Variants in KANK1 observed in about 807,000 individuals in gnomAD.
The protein encoded by KANK1 is KN motif and ankyrin repeat domains 1.
A neutral mutation model predicts 106.2 loss-of-function variants in KANK1; 109 were observed. The observed-to-expected ratio is 1.03, with a 90% confidence interval of 0.88 to 1.20. The LOEUF (loss-of-function observed/expected upper bound fraction) is 1.20. Ranked by LOEUF, KANK1 falls within the 50% of genes most tolerant of loss-of-function variation. The pLI, the probability that KANK1 is intolerant of heterozygous loss-of-function variation, is 0.00. For synonymous variants in KANK1, 873 were observed against 652.2 expected, an observed-to-expected ratio of 1.34 and a Z score of -5.16; for missense variants, 2,399 against 1,710.7, an observed-to-expected ratio of 1.40 and a Z score of -7.10.
At chr9:681,785 C>T (rs932897367) in intron 2 of KANK1, among the ~76,000 whole-genome samples, 4 of 152,094 alleles carry the variant, frequency 2.6e-5, no homozygotes, top group Non-Finnish European at 4.4e-5. Flanking sequence ...CCTCATTAAA[C>T]CCAGTTAAAT....
At chr9:668,903 AGGGTTTGC>A (rs1845279562) in intron 1 of KANK1, among the ~76,000 whole-genome samples, 1 of 152,008 alleles carries the variant, frequency 6.6e-6, no homozygotes, top group Non-Finnish European at 1.5e-5. Context: ...AGTTCACAAT[AGGGTTTGC>A]ACTCTTATGA....
upstream of KANK1, among the ~76,000 whole-genome samples, chr9:502,426 C>G (rs1029373291): frequency 7.9e-5 from 12 of 152,002 alleles, no homozygotes; most frequent in Non-Finnish European, 1.5e-4. Context: ...TTGATTGATT[C>G]GTTTTGCTTA....
intron 3 of KANK1, chr9:484,632 A>C (rs2058260200): frequency 6.6e-6 from 1 of 152,230 alleles, no homozygotes; most frequent in African/African-American, 2.4e-5. Context: ...AGGAGAGGCA[A>C]GATAAAAGAT....
chr9:720,681 G>T (rs1439683061), intron 3 of KANK1, among the ~76,000 whole-genome samples: 1 of 152,132 alleles, frequency 6.6e-6, no homozygotes, highest in Admixed American at 6.6e-5. Context: ...CTCAGAGACG[G>T]GGTTTCATTC....
intron 1 of KANK1, among the ~76,000 whole-genome samples, chr9:572,398 A>T (rs73373075): frequency 6.6e-6 from 1 of 151,898 alleles, no homozygotes. Context: ...AAAAATAGAA[A>T]AAAATTAGCT....
intron 2 of KANK1, among the ~76,000 whole-genome samples, chr9:677,972 T>A (rs768122880): frequency 9.2e-5 from 14 of 152,164 alleles, no homozygotes; most frequent in Non-Finnish European, 1.6e-4. Context: ...GAAACATACT[T>A]AGAGGAGCTA....
chr9:651,485 A>C (rs1385906487), intron 1 of KANK1, among the ~76,000 whole-genome samples: 1 of 152,188 alleles, frequency 6.6e-6, no homozygotes, highest in Non-Finnish European at 1.5e-5. Context: ...AAGCATCTGC[A>C]TGTGTTGGGT....
chr9:608,955 G>A (rs2804310), intron 1 of KANK1, among the ~76,000 whole-genome samples: 102,615 of 151,996 alleles, frequency 0.68, 35,044 homozygotes, highest in South Asian at 0.75. Flanking sequence ...ACACATGGGC[G>A]TATACTCACG....
chr9:544,316 C>T (rs193137128), intron 1 of KANK1, among the ~76,000 whole-genome samples: 230 of 152,304 alleles, frequency 1.5e-3, no homozygotes, highest in Non-Finnish European at 2.2e-3. Flanking sequence ...AGCCACTGCA[C>T]CTGGCCCTGT....
At chr9:629,281 T>G (rs1383254181) in intron 1 of KANK1, among the ~76,000 whole-genome samples, 1 of 152,076 alleles carries the variant, frequency 6.6e-6, no homozygotes, top group African/African-American at 2.4e-5. Context: ...TCCCCCTCCC[T>G]CAGGCTGAGG....
At chr9:482,617 A>G (rs985213957) in intron 3 of KANK1, among the ~76,000 whole-genome samples, 2 of 152,212 alleles carry the variant, frequency 1.3e-5, no homozygotes, top group African/African-American at 4.8e-5. Flanking sequence ...AAAACTGACT[A>G]CAATCACATG....
chr9:620,463 C>T (rs1316870981), intron 1 of KANK1, among the ~76,000 whole-genome samples: 2 of 151,738 alleles, frequency 1.3e-5, no homozygotes, highest in Non-Finnish European at 2.9e-5. Flanking sequence ...CAATGAATGG[C>T]GTGATTTCGG....
intron 2 of KANK1, among the ~76,000 whole-genome samples, chr9:679,181 A>C (rs367563564): frequency 4.6e-5 from 7 of 152,116 alleles, no homozygotes; most frequent in African/African-American, 1.7e-4. Context: ...GTTACTGCAG[A>C]CAGTTATCTG....
chr9:659,689 A>G (rs1391367360), intron 1 of KANK1, among the ~76,000 whole-genome samples: 1 of 151,866 alleles, frequency 6.6e-6, no homozygotes, highest in Non-Finnish European at 1.5e-5. Flanking sequence ...ATGTGGTGGG[A>G]GCAGGAGAAA....
chr9:736,268 T>G (rs1407787790), intron 7 of KANK1, among the ~76,000 whole-genome samples: 1 of 152,096 alleles, frequency 6.6e-6, no homozygotes, highest in Non-Finnish European at 1.5e-5. Flanking sequence ...CTCAAAAACT[T>G]AACACAATGT....
At chr9:603,511 G>C (rs892261538) in intron 1 of KANK1, among the ~76,000 whole-genome samples, 4 of 151,746 alleles carry the variant, frequency 2.6e-5, no homozygotes, top group Admixed American at 6.6e-5. Context: ...TATGCAGAGA[G>C]ACATCACATT....
At chr9:731,987 T>C (rs1008808221) in intron 5 of KANK1, 3 of 161,482 alleles carry the variant, frequency 1.9e-5, no homozygotes, top group African/African-American at 7.3e-5. Flanking sequence ...AACTATCGAT[T>C]GCCTATGTAA....
chr9:685,037 T>A (rs1332449643), intron 2 of KANK1, among the ~76,000 whole-genome samples: 1 of 152,220 alleles, frequency 6.6e-6, no homozygotes, highest in Non-Finnish European at 1.5e-5. Flanking sequence ...AAAAGCAGAC[T>A]CTTTTCTTTT....
chr9:738,331 G>C lies in KANK1; in HGVS notation c.3380G>C (p.Ser1127Thr), dbSNP rs112195198. The C allele has an allele frequency of 1.9e-6, 3 of 1,614,130 alleles. No individual in the cohort carries two copies. The South Asian group carries it at 3.3e-5, about 18-fold the overall frequency. Residue 1127 changes from serine (S) to threonine (T), a missense_variant, in exon 8 of 12, where the codon AGT (serine) becomes ACT (threonine). Ser to Thr is a moderately conservative substitution (Grantham distance 58). Transcript: ENST00000382297. The stretch of plus-strand genomic sequence containing the variant: ...CAGCACGAGTGGTTCCGCGTGTCCA[G>C]TCAGAAGTCAGCCATTCCAGCCATG... ...TLQHEWFRVSSQKSAIPAMVG... is the reference protein window; with the variant it reads ...TLQHEWFRVSTQKSAIPAMVG...
Sources: gnomAD v4.1 joint callset for allele counts (sites outside exome capture counted in the v4.1 genomes callset) on GRCh38, gnomAD v4.1.1 for gene constraint, MANE v1.5 for transcripts, NCBI Gene and HGNC (gene_info 2026-07-23, HGNC 2026-07-21) for gene names.